The following PDE8B variants were observed in gnomAD, a reference collection of about 807,000 sequenced individuals.
The protein encoded by PDE8B is phosphodiesterase 8B.
In PDE8B, 26 loss-of-function variants were observed where a neutral mutation model predicts 101.3. The ratio of observed to expected loss-of-function variants is 0.26; its 90% CI spans 0.19 to 0.36. The LOEUF is 0.36. Among genes scored for constraint, PDE8B ranks in the 10% least tolerant of loss-of-function variants. The pLI is 1.00. For synonymous variants in PDE8B, 424 were observed against 429.3 expected (o/e 0.99, Z 0.15); for missense variants, 810 against 1,163.1 (o/e 0.70, Z 4.42).
chr5:77,337,835 C>G (rs1778477528), intron 6 of PDE8B, among the ~76,000 whole-genome samples: 1 of 152,152 alleles, frequency 6.6e-6, no homozygotes, highest in Admixed American at 6.5e-5. Context: ...GTTTTAAGAG[C>G]AGGCTTGTCA....
At chr5:77,301,888 GT>G (rs200573106) in intron 1 of PDE8B, among the ~76,000 whole-genome samples, 1 of 151,908 alleles carries the variant, frequency 6.6e-6, no homozygotes, top group African/African-American at 2.4e-5. Context: ...GCAGTTTGGG[GT>G]TTTTTTTGTT....
chr5:77,348,815 A>G (rs1293463608), intron 7 of PDE8B, among the ~76,000 whole-genome samples: 2 of 152,004 alleles, frequency 1.3e-5, no homozygotes, highest in Non-Finnish European at 2.9e-5. Context: ...CCTGAATAGC[A>G]GGGACTACAG....
At chr5:77,421,455 A>G (rs547157581) in intron 19 of PDE8B, among the ~76,000 whole-genome samples, 50 of 152,190 alleles carry the variant, frequency 3.3e-4, no homozygotes, top group Non-Finnish European at 5.3e-4. Context: ...TTTTAAAAAA[A>G]CTGGGAGAAA....
At chr5:77,289,526 G>C (rs1464899501) in intron 1 of PDE8B, among the ~76,000 whole-genome samples, 1 of 152,220 alleles carries the variant, frequency 6.6e-6, no homozygotes, top group East Asian at 1.9e-4. Flanking sequence ...CAGGAGGAAA[G>C]AATGGGGCAG....
upstream of PDE8B, among the ~76,000 whole-genome samples, chr5:77,207,555 T>A (rs190454539): frequency 6.6e-6 from 1 of 152,350 alleles, no homozygotes; most frequent in East Asian, 1.9e-4. Context: ...AATGTTGGTC[T>A]TTCTGGCCTT....
intron 17 of PDE8B, among the ~76,000 whole-genome samples, chr5:77,414,527 TCTC>T (rs1795142380): frequency 6.6e-6 from 1 of 151,854 alleles, no homozygotes; most frequent in Non-Finnish European, 1.5e-5. Flanking sequence ...TTCCAACAGT[TCTC>T]CTGCCTCAGC....
At chr5:77,192,157 A>G in the PDE8B span, among the ~76,000 whole-genome samples, 1 of 152,188 alleles carries the variant, frequency 6.6e-6, no homozygotes, top group African/African-American at 2.4e-5. Flanking sequence ...CCAACAGGCC[A>G]CGGACTGGTA....
intron 1 of PDE8B, among the ~76,000 whole-genome samples, chr5:77,286,015 A>T (rs1390169181): frequency 6.6e-6 from 1 of 152,060 alleles, no homozygotes; most frequent in Non-Finnish European, 1.5e-5. Flanking sequence ...ACTGAGGTTA[A>T]TCATAATAGT....
the PDE8B span, chr5:77,104,801 C>T: frequency 2.6e-5 from 4 of 152,000 alleles, no homozygotes; most frequent in Non-Finnish European, 4.4e-5. Context: ...AATCTTTTTG[C>T]AAAACATTTT....
At chr5:77,425,038 T>C (rs1797716241) in intron 20 of PDE8B, among the ~76,000 whole-genome samples, 1 of 152,196 alleles carries the variant, frequency 6.6e-6, no homozygotes, top group East Asian at 1.9e-4. Flanking sequence ...ATATAATGAC[T>C]ATGGCTATTA....
In PDE8B at chr5:77,349,534, T is replaced by C. The variant is rs1281259699; in HGVS notation, c.992T>C (p.Ile331Thr). ...AACCGGGCAGACCTTCTCGACACCA[T>C]CAATACATGCATCAAGAAGGGAAAG... The part of the protein sequence containing the change: ...DKNRADLLDT[I>T]NTCIKKGKEW... Residue 331 changes from isoleucine (I) to threonine (T), a missense_variant, in exon 8 of 22, where the codon ATC (isoleucine) becomes ACC (threonine). Transcript: ENST00000264917. 2 of 1,613,938 alleles carry C rather than the reference T, an allele frequency of 1.2e-6. No individual in the cohort carries two copies. The highest frequency in any genetic ancestry group is 1.7e-6 in the Non-Finnish European group (2 of 1,179,992).
the PDE8B span, among the ~76,000 whole-genome samples, chr5:77,100,566 A>G: frequency 1.3e-5 from 2 of 152,156 alleles, no homozygotes; most frequent in African/African-American, 2.4e-5. Context: ...CAAAAGACAG[A>G]TCCGGTGGGA....
chr5:77,274,866 T>C (rs758209774), intron 1 of PDE8B, among the ~76,000 whole-genome samples: 4 of 152,042 alleles, frequency 2.6e-5, no homozygotes. Context: ...GTCATAAAAG[T>C]TTTAGATAAA....
intron 10 of PDE8B, among the ~76,000 whole-genome samples, chr5:77,368,212 C>G (rs555936867): frequency 6.6e-6 from 1 of 152,144 alleles, no homozygotes; most frequent in African/African-American, 2.4e-5. Context: ...AAAGCCATTC[C>G]TCCTCTCCCA....
At chr5:77,228,197 T>G (rs1046996138) in intron 1 of PDE8B, among the ~76,000 whole-genome samples, 23 of 152,178 alleles carry the variant, frequency 1.5e-4, no homozygotes, top group Admixed American at 2.0e-4. Flanking sequence ...GACACCACCC[T>G]CAGTTCCTTG....
the PDE8B span, among the ~76,000 whole-genome samples, chr5:77,108,266 T>A: frequency 6.6e-6 from 1 of 152,256 alleles, no homozygotes; most frequent in Non-Finnish European, 1.5e-5. Context: ...TGAAATATTT[T>A]GAGTGATATT....
At chr5:77,362,848 C>G (rs1006647971) in intron 10 of PDE8B, among the ~76,000 whole-genome samples, 1 of 152,182 alleles carries the variant, frequency 6.6e-6, no homozygotes, top group Admixed American at 6.5e-5. Context: ...TGAGCCAGGT[C>G]AGGAGCCCCC....
chr5:77,162,068 AG>A, the PDE8B span, among the ~76,000 whole-genome samples: 2 of 151,986 alleles, frequency 1.3e-5, no homozygotes, highest in Non-Finnish European at 2.9e-5. Context: ...GGAACTAATA[AG>A]TAAATTTAGC....
chr5:77,390,884 C>T (rs1189028064), intron 10 of PDE8B, among the ~76,000 whole-genome samples: 1 of 152,166 alleles, frequency 6.6e-6, no homozygotes, highest in Non-Finnish European at 1.5e-5. Context: ...AGTTTCTTAA[C>T]CTCTTAAACC....
Sources: allele counts gnomAD v4.1 joint callset (sites outside exome capture counted in the v4.1 genomes callset), GRCh38; gene constraint gnomAD v4.1.1; transcripts MANE v1.5; gene names NCBI Gene and HGNC (gene_info 2026-07-23, HGNC 2026-07-21).